The following SLC24A3 variants were observed in gnomAD, a reference collection of about 807,000 sequenced individuals.
The protein encoded by SLC24A3 is solute carrier family 24 member 3.
A neutral mutation model predicts 75.8 loss-of-function variants in SLC24A3; 28 were observed. That is an observed-to-expected ratio of 0.37 (90% confidence interval 0.27 to 0.51). The LOEUF (loss-of-function observed/expected upper bound fraction) is 0.51. SLC24A3 is among the 20% of genes least tolerant of loss of function. The probability of loss-of-function intolerance (pLI) is 0.94; values close to 1 mark genes in which losing one functional copy is unlikely to be tolerated. For missense variants in SLC24A3, 663 were observed against 847.8 expected (o/e 0.78, Z 2.71); for synonymous variants, 372 against 334.1 (o/e 1.11, Z -1.24).
At chr20:19,450,820 G>GGCCCCATCTCTACTA (rs1987466621) in intron 2 of SLC24A3, among the ~76,000 whole-genome samples, 1 of 152,102 alleles carries the variant, frequency 6.6e-6, no homozygotes, top group Non-Finnish European at 1.5e-5. Flanking sequence ...CCAACATGGT[G>GGCCCCATCTCTACTA]AAACCCCATC....
At chr20:19,486,867 C>G (rs1988134423) in intron 2 of SLC24A3, among the ~76,000 whole-genome samples, 2 of 152,158 alleles carry the variant, frequency 1.3e-5, no homozygotes, top group African/African-American at 4.8e-5. Context: ...CATAGGAAGC[C>G]TGGGAATTAA....
At chr20:19,426,342 T>C (rs1987006208) in intron 2 of SLC24A3, among the ~76,000 whole-genome samples, 1 of 152,232 alleles carries the variant, frequency 6.6e-6, no homozygotes, top group African/African-American at 2.4e-5. Context: ...ATTTTCTTTC[T>C]TAGAACATGT....
chr20:19,244,597 G>C (rs533405509), intron 1 of SLC24A3, among the ~76,000 whole-genome samples: 1 of 152,276 alleles, frequency 6.6e-6, no homozygotes, highest in South Asian at 2.1e-4. Context: ...AGAAGGCAGC[G>C]GCAGGCCGGC....
intron 3 of SLC24A3, among the ~76,000 whole-genome samples, chr20:19,550,983 A>T (rs180733610): frequency 5.8e-4 from 89 of 152,372 alleles, no homozygotes; most frequent in African/African-American, 2.1e-3. Context: ...CACGGGCCAC[A>T]TGGACTCTGC....
At chr20:19,542,279 T>A (rs1007012671) in intron 3 of SLC24A3, among the ~76,000 whole-genome samples, 1 of 152,218 alleles carries the variant, frequency 6.6e-6, no homozygotes, top group Non-Finnish European at 1.5e-5. Flanking sequence ...TGAAATTGTA[T>A]AGATGAGTAA....
rs193180901 is a variant in SLC24A3, at chr20:19,230,278, A to G, written c.142+17294A>G. Among the ~76,000 whole-genome samples, 4 of 152,228 alleles carry G rather than the reference A, an allele frequency of 2.6e-5. 1 individual carries two copies. The highest frequency in any genetic ancestry group is 3.4e-3 in the Middle Eastern group (1 of 294). The stretch of plus-strand genomic sequence containing the variant: ...TATGCTGAAGGGGTGGTTGTTGTGC[A>G]TGGTCCCTGGCCAACCTTCCAGTGT... On this transcript the variant is annotated intron_variant, in intron 1 of 16. Transcript: ENST00000328041.
At chr20:19,533,539 G>T (rs1378613169) in intron 3 of SLC24A3, among the ~76,000 whole-genome samples, 1 of 152,000 alleles carries the variant, frequency 6.6e-6, no homozygotes, top group Non-Finnish European at 1.5e-5. Flanking sequence ...AGGTGAAGGG[G>T]TCAAGGAAGG....
chr20:19,714,055 G>C (rs2033017479), intron 15 of SLC24A3, among the ~76,000 whole-genome samples: 1 of 152,140 alleles, frequency 6.6e-6, no homozygotes, highest in African/African-American at 2.4e-5. Flanking sequence ...TGTGAAAATA[G>C]CCATTGATGA....
At chr20:19,663,521 GT>G (rs2032363388) in intron 7 of SLC24A3, among the ~76,000 whole-genome samples, 1 of 44,532 alleles carries the variant, frequency 2.2e-5, no homozygotes, top group Non-Finnish European at 4.8e-5. Flanking sequence ...TGCATTCTGA[GT>G]GATGGGGCAT....
At chr20:19,325,019 CTTTT>C (rs11340561) in intron 2 of SLC24A3, among the ~76,000 whole-genome samples, 1 of 129,164 alleles carries the variant, frequency 7.7e-6, no homozygotes, top group Non-Finnish European at 1.7e-5. Context: ...ATGGTAGAGC[CTTTT>C]TTTTTTTTTT....
intron 2 of SLC24A3, among the ~76,000 whole-genome samples, chr20:19,477,479 A>G (rs531729670): frequency 5.3e-5 from 8 of 152,364 alleles, no homozygotes; most frequent in African/African-American, 1.9e-4. Flanking sequence ...TAGCAGATAA[A>G]GTCATTACCC....
chr20:19,515,695 TC>T (rs111844840), intron 3 of SLC24A3, 131 bp downstream of exon 3: 89,208 of 847,176 alleles, frequency 0.11, 5,004 homozygotes, highest in South Asian at 0.12. Context: ...TGGGGGTCCT[TC>T]GAGCTCTGTA....
chr20:19,594,447 TTG>T (rs2031423932), intron 6 of SLC24A3, among the ~76,000 whole-genome samples: 1 of 152,248 alleles, frequency 6.6e-6, no homozygotes, highest in Non-Finnish European at 1.5e-5. Flanking sequence ...TCGTAGTTAT[TTG>T]TGAATTTAAA....
intron 3 of SLC24A3, among the ~76,000 whole-genome samples, chr20:19,567,321 C>A (rs2030974986): frequency 6.6e-6 from 1 of 152,170 alleles, no homozygotes; most frequent in African/African-American, 2.4e-5. Flanking sequence ...GGTACATATA[C>A]ACGATGGAAT....
At chr20:19,515,677 C>A in intron 3 of SLC24A3, 113 bp downstream of exon 3, 1 of 1,043,186 alleles carries the variant, frequency 9.6e-7, no homozygotes, top group Non-Finnish European at 1.5e-6. Context: ...TGTTCCCACG[C>A]TGCCTGGTGG....
chr20:19,515,634 T>TAA, intron 3 of SLC24A3, 70 bp downstream of exon 3: 1 of 1,494,032 alleles, frequency 6.7e-7, no homozygotes, highest in Non-Finnish European at 9.3e-7. Flanking sequence ...GTGTGGCACC[T>TAA]GAGGTGCCCC....
intron 2 of SLC24A3, among the ~76,000 whole-genome samples, chr20:19,490,474 G>T (rs955439591): frequency 2.0e-5 from 3 of 152,194 alleles, no homozygotes; most frequent in African/African-American, 7.2e-5. Context: ...AGTTTCCCAA[G>T]TTACCATGTG....
At chr20:19,547,406 A>C (rs1413364377) in intron 3 of SLC24A3, among the ~76,000 whole-genome samples, 1 of 152,230 alleles carries the variant, frequency 6.6e-6, no homozygotes, top group East Asian at 1.9e-4. Context: ...CTGCAAATGG[A>C]CATGGGGAAA....
At chr20:19,533,937 T>C (rs2030349268) in intron 3 of SLC24A3, among the ~76,000 whole-genome samples, 1 of 152,252 alleles carries the variant, frequency 6.6e-6, no homozygotes, top group Non-Finnish European at 1.5e-5. Context: ...GCCTTAGCCC[T>C]GTCCTGGTTC....
Sources: allele counts gnomAD v4.1 joint callset (sites outside exome capture counted in the v4.1 genomes callset), GRCh38; gene constraint gnomAD v4.1.1; transcripts MANE v1.5; gene names NCBI Gene and HGNC (gene_info 2026-07-23, HGNC 2026-07-21).